The following NEMF variants were observed in gnomAD, a reference collection of about 807,000 sequenced individuals.
The protein encoded by NEMF is nuclear export mediator factor, also known as ribosome quality control complex subunit NEMF.
Under a neutral mutation model 162.2 loss-of-function variants are expected in NEMF, and 89 were observed. That is an observed-to-expected ratio of 0.55 (90% CI 0.46 to 0.65). NEMF has a LOEUF of 0.65. NEMF is among the 30% of genes least tolerant of loss of function. NEMF has a pLI of 0.00. For missense variants in NEMF, 1,133 were observed against 1,261.9 expected, an observed-to-expected ratio of 0.90 and a Z score of 1.55; for synonymous variants, 421 against 404.5, an observed-to-expected ratio of 1.04 and a Z score of -0.49.
At chr14:49,847,030 C>T (rs531082660) in intron 3 of NEMF, among the ~76,000 whole-genome samples, 5 of 152,068 alleles carry the variant, frequency 3.3e-5, no homozygotes, top group African/African-American at 7.2e-5. Flanking sequence ...AAATTACAGG[C>T]GTGTGCCACC....
rs1455968631 is a variant in NEMF, at chr14:49,799,542, C to T, written c.2416-18G>A. On this transcript the variant is annotated intron_variant, in intron 24 of 32. Transcript: ENST00000298310. ...CTGTCACTCTATTAAAACAAAAAAA[C>T]AGGCAAATGCAAATATCACTATTAA... 6.2e-7 allele frequency: 1 copy of T among 1,605,378 alleles called. No individual in the cohort carries two copies. The highest frequency in any genetic ancestry group is 8.5e-7 in the Non-Finnish European group (1 of 1,177,720).
chr14:49,800,723 G>C, intron 22 of NEMF, 27 bp from the exon 23 acceptor site: 1 of 1,594,142 alleles, frequency 6.3e-7, no homozygotes, highest in Admixed American at 1.7e-5. Flanking sequence ...AGGAAAGTCA[G>C]TGTGGGACTA....
At chr14:49,804,825 G>A (rs1323557501) in intron 19 of NEMF, among the ~76,000 whole-genome samples, 2 of 152,024 alleles carry the variant, frequency 1.3e-5, no homozygotes, top group Non-Finnish European at 2.9e-5. Flanking sequence ...GAGGCCAGGA[G>A]TTTGAGACTG....
At chr14:49,785,493 C>G (rs949578702) in intron 29 of NEMF, 173 bp from the exon 30 acceptor site, 10 of 574,802 alleles carry the variant, frequency 1.7e-5, no homozygotes, top group Non-Finnish European at 3.1e-5. Flanking sequence ...GAGTTGAAGA[C>G]CAATGTTTAA....
rs942060856 is a variant in NEMF, at chr14:49,795,808, T to C, written c.2602A>G (p.Met868Val). Residue 868 changes from methionine (M) to valine (V), a missense_variant, in exon 26 of 33, where the codon ATG (methionine) becomes GTG (valine). Coordinates refer to ENST00000298310, the MANE Select transcript of NEMF (RefSeq NM_004713.6). ...AAGTTTACCTTTTGTCCTCGTTTCATTGGCTGCACAGCCGCAACATTTTTG... is the reference window on the plus strand; with the variant it reads ...AAGTTTACCTTTTGTCCTCGTTTCACTGGCTGCACAGCCGCAACATTTTTG... ...TSKNVAAVQP[M>V]KRGQKSKMKK... The C allele has an allele frequency of 2.5e-6, 4 of 1,610,924 alleles. No individual in the cohort carries two copies. In the African/African-American group the frequency reaches 4.0e-5, roughly 16 times the overall value.
intron 16 of NEMF, among the ~76,000 whole-genome samples, chr14:49,818,084 CTTTTTTT>C (rs983729819): frequency 7.6e-6 from 1 of 132,348 alleles, no homozygotes; most frequent in African/African-American, 2.8e-5. Context: ...AGTGATGAGA[CTTTTTTT>C]TTTTTTTTTT....
intron 26 of NEMF, among the ~76,000 whole-genome samples, chr14:49,794,003 G>A (rs1411355449): frequency 6.6e-6 from 1 of 151,674 alleles, no homozygotes; most frequent in African/African-American, 2.4e-5. Flanking sequence ...TTTTCACATG[G>A]TTAGCCATCA....
chr14:49,846,551 G>A (rs1008642145), intron 3 of NEMF, among the ~76,000 whole-genome samples: 3 of 151,990 alleles, frequency 2.0e-5, no homozygotes, highest in Non-Finnish European at 4.4e-5. Flanking sequence ...CTGCAGCCTC[G>A]ACTTCCCTGG....
chr14:49,791,743 A>T (rs1452303719), intron 26 of NEMF, among the ~76,000 whole-genome samples: 19 of 1,508 alleles, frequency 0.013, no homozygotes, highest in Non-Finnish European at 0.056. Flanking sequence ...TTTAAAAAAA[A>T]AAAAAAAAAA....
chr14:49,786,599 A>C (rs1397945342), intron 29 of NEMF, 119 bp downstream of exon 29: 9 of 930,996 alleles, frequency 9.7e-6, no homozygotes, highest in Non-Finnish European at 1.2e-5. Context: ...CGAAAGTTTG[A>C]CTTCGTAGCC....
In NEMF at chr14:49,812,207, T is replaced by C. The variant is rs1164820001; in HGVS notation, c.1744+1781A>G. Among the ~76,000 whole-genome samples, 4 of 152,318 alleles carry C rather than the reference T, an allele frequency of 2.6e-5. No homozygotes were observed. In the South Asian group the frequency reaches 6.2e-4, roughly 24 times the overall value. On this transcript the variant is annotated intron_variant, in intron 18 of 32. Coordinates refer to ENST00000298310, the MANE Select transcript of NEMF (RefSeq NM_004713.6). ...GGTTACATAATCTGTTGGTATATAA[T>C]TGTTCATGGTATTCCCTTATAATCC...
intron 26 of NEMF, among the ~76,000 whole-genome samples, chr14:49,789,865 A>T (rs1029967744): frequency 6.6e-6 from 1 of 152,226 alleles, no homozygotes; most frequent in Non-Finnish European, 1.5e-5. Flanking sequence ...GCAAGTCTAA[A>T]AAGGAAGAGA....
At chr14:49,800,361 T>G in intron 23 of NEMF, 59 bp downstream of exon 23, 23 of 1,168,108 alleles carry the variant, frequency 2.0e-5, no homozygotes, top group Non-Finnish European at 2.7e-5. Context: ...TTTGTAAGGA[T>G]TACCTCATCA....
Position 49,828,682 on chromosome 14 carries a change from G to T in NEMF, c.1358C>A (p.Pro453His), listed in dbSNP as rs766550213. ...TACAAGTAAGGGCTTATTTTTCTGA[G>T]GCTTCTGCAGCTGTTTATTCTTTTG... ...KKQKNKQLQKPQKNKPLLVDV... is the reference protein window; with the variant it reads ...KKQKNKQLQKHQKNKPLLVDV... The change falls in exon 14 of 33, where the codon CCT (proline) becomes CAT (histidine). Residue 453 changes from proline to histidine, a missense_variant. Pro to His is a moderately conservative substitution (Grantham distance 77). Transcript: ENST00000298310. 2.5e-6 allele frequency: 4 copies of T among 1,599,842 alleles called. No individual in the cohort carries two copies. The highest frequency in any genetic ancestry group is 3.4e-6 in the Non-Finnish European group (4 of 1,176,412).
rs753561734 is a variant in NEMF, at chr14:49,800,609, T to G, written c.2183A>C (p.Asp728Ala). 1 of 1,613,866 alleles carries G rather than the reference T, an allele frequency of 6.2e-7. No individual in the cohort carries two copies. Among genetic ancestry groups the G allele is most frequent in the Non-Finnish European group, 8.5e-7 (1 of 1,179,802 alleles). ...VELMTQVDQE[D>A]ITLQSGRDEL... ...ATCTCTGCCACTCTGAAGAGTGATA[T>G]CCTCTTGGTCAACCTGAGTCATGAG... Residue 728 changes from aspartate to alanine, a missense_variant, in exon 23 of 33, where the codon GAT becomes GCT. Asp to Ala is a moderately radical substitution (Grantham distance 126). Transcript: ENST00000298310.
intron 18 of NEMF, among the ~76,000 whole-genome samples, chr14:49,810,005 T>C (rs1594755086): frequency 6.6e-6 from 1 of 150,972 alleles, no homozygotes; most frequent in Non-Finnish European, 1.5e-5. Context: ...CAGCAGGGGG[T>C]ATGAGGGAAA....
chr14:49,821,586 TG>T (rs568674046), intron 16 of NEMF, among the ~76,000 whole-genome samples: 1,120 of 58,844 alleles, frequency 0.019, 66 homozygotes, highest in South Asian at 0.035. Flanking sequence ...GGGAGGGAGG[TG>T]GGGGGGTCAG....
intron 15 of NEMF, 44 bp downstream of exon 15, chr14:49,828,247 G>A (rs376304393): frequency 1.1e-5 from 13 of 1,235,460 alleles, no homozygotes; most frequent in African/African-American, 5.9e-5. Flanking sequence ...ATTAAATTAC[G>A]CAGGCACAAA....
chr14:49,802,404 T>C, intron 22 of NEMF, 49 bp downstream of exon 22: 1 of 1,590,842 alleles, frequency 6.3e-7, no homozygotes. Context: ...GAAGCAAAAC[T>C]AGGTAACAAA....
Sources: gnomAD v4.1 joint callset for allele counts (sites outside exome capture counted in the v4.1 genomes callset) on GRCh38, gnomAD v4.1.1 for gene constraint, MANE v1.5 for transcripts, NCBI Gene and HGNC (gene_info 2026-07-23, HGNC 2026-07-21) for gene names.